Variants in LRFN5 observed in about 807,000 individuals in gnomAD.
The protein encoded by LRFN5 is leucine-rich repeat and fibronectin type-III domain-containing protein 5.
LRFN5 carries 24 observed loss-of-function variants against 45.6 expected under a neutral mutation model. The observed-to-expected ratio is 0.53, with a 90% confidence interval of 0.38 to 0.74. The LOEUF (loss-of-function observed/expected upper bound fraction) is 0.74, where lower values mean the gene tolerates loss of function less well. Among genes scored for constraint, LRFN5 ranks in the 30% least tolerant of loss-of-function variants. The probability of loss-of-function intolerance (pLI) is 0.00; values close to 1 mark genes in which losing one functional copy is unlikely to be tolerated. For synonymous variants in LRFN5, 340 were observed against 313.8 expected, an observed-to-expected ratio of 1.08 and a Z score of -0.88; for missense variants, 776 against 861.5, an observed-to-expected ratio of 0.90 and a Z score of 1.24.
At chr14:41,749,829 A>T (rs1449928975) in intron 1 of LRFN5, among the ~76,000 whole-genome samples, 1 of 152,184 alleles carries the variant, frequency 6.6e-6, no homozygotes, top group Non-Finnish European at 1.5e-5. Flanking sequence ...AAATAAGTTC[A>T]CTAATTAGAT....
intron 1 of LRFN5, among the ~76,000 whole-genome samples, chr14:41,668,569 C>G (rs1047642449): frequency 1.3e-5 from 2 of 152,114 alleles, no homozygotes; most frequent in African/African-American, 4.8e-5. Context: ...ACAACATCTG[C>G]TGTTAATTAC....
intron 1 of LRFN5, among the ~76,000 whole-genome samples, chr14:41,613,648 TAGAAA>T (rs959910547): frequency 2.6e-5 from 4 of 151,914 alleles, no homozygotes; most frequent in Non-Finnish European, 5.9e-5. Flanking sequence ...TAAAAGACTC[TAGAAA>T]AGAAGTAATA....
At chr14:41,877,681 T>C (rs953172282) in intron 2 of LRFN5, among the ~76,000 whole-genome samples, 1 of 151,990 alleles carries the variant, frequency 6.6e-6, no homozygotes, top group East Asian at 1.9e-4. Context: ...CAGGATACTA[T>C]ATTAAGAACT....
intron 1 of LRFN5, among the ~76,000 whole-genome samples, chr14:41,722,842 T>A (rs1242728450): frequency 1.3e-5 from 2 of 152,192 alleles, no homozygotes; most frequent in Non-Finnish European, 2.9e-5. Context: ...ATACACAATG[T>A]TCTGTGCTCC....
intron 3 of LRFN5, 97 bp from the exon 4 acceptor site, chr14:41,891,150 TTAA>T: frequency 4.5e-6 from 4 of 886,260 alleles, no homozygotes; most frequent in South Asian, 1.5e-5. Context: ...ATAAATGTAC[TTAA>T]TGATACTGAA....
chr14:41,677,526 A>C (rs755383974), intron 1 of LRFN5, among the ~76,000 whole-genome samples: 18 of 152,282 alleles, frequency 1.2e-4, no homozygotes, highest in Non-Finnish European at 2.5e-4. Context: ...ATGCCTCATA[A>C]AATACAGAAT....
intron 2 of LRFN5, among the ~76,000 whole-genome samples, chr14:41,833,763 G>C (rs1212394777): frequency 2.0e-5 from 3 of 152,078 alleles, no homozygotes; most frequent in South Asian, 2.1e-4. Context: ...TTTTTCATAT[G>C]ATAACCATCT....
intron 2 of LRFN5, among the ~76,000 whole-genome samples, chr14:41,797,932 T>A (rs1321097753): frequency 1.3e-5 from 2 of 152,104 alleles, no homozygotes; most frequent in South Asian, 4.1e-4. Flanking sequence ...TTTTATTTTT[T>A]AAATATCTCT....
At chr14:41,648,998 C>G (rs75700936) in intron 1 of LRFN5, among the ~76,000 whole-genome samples, 8,224 of 152,128 alleles carry the variant, frequency 0.054, 507 homozygotes, top group African/African-American at 0.16. Context: ...GCTGGGCGCG[C>G]TGGCTTGCGG....
At chr14:41,618,794 A>C (rs1888009662) in intron 1 of LRFN5, among the ~76,000 whole-genome samples, 1 of 152,190 alleles carries the variant, frequency 6.6e-6, no homozygotes, top group African/African-American at 2.4e-5. Flanking sequence ...AAATATTTTC[A>C]ACAAATATTT....
intron 2 of LRFN5, among the ~76,000 whole-genome samples, chr14:41,831,882 G>A (rs1387071060): frequency 1.3e-5 from 2 of 151,956 alleles, no homozygotes; most frequent in African/African-American, 4.8e-5. Context: ...CAAGATCAAG[G>A]TGCCCACAAG....
At chr14:41,886,080 G>GA (rs1890562820) in intron 2 of LRFN5, among the ~76,000 whole-genome samples, 1 of 145,666 alleles carries the variant, frequency 6.9e-6, no homozygotes, top group Non-Finnish European at 1.5e-5. Flanking sequence ...TTGTAAAGAA[G>GA]AAAAAAATTA....
At chr14:41,826,667 T>C (rs562153121) in intron 2 of LRFN5, among the ~76,000 whole-genome samples, 1 of 152,240 alleles carries the variant, frequency 6.6e-6, no homozygotes, top group South Asian at 2.1e-4. Flanking sequence ...TAAAGCAGTG[T>C]GGATTATTGA....
intron 2 of LRFN5, among the ~76,000 whole-genome samples, chr14:41,853,966 T>G (rs1889364081): frequency 6.6e-6 from 1 of 152,180 alleles, no homozygotes; most frequent in Non-Finnish European, 1.5e-5. Context: ...AAAACTCGTT[T>G]AATTGTCATG....
chr14:41,619,735 A>G (rs926631050), intron 1 of LRFN5, among the ~76,000 whole-genome samples: 1 of 152,008 alleles, frequency 6.6e-6, no homozygotes, highest in African/African-American at 2.4e-5. Flanking sequence ...ACATACATAT[A>G]CACATACACA....
chr14:41,754,860 G>T (rs1885303297), intron 1 of LRFN5, among the ~76,000 whole-genome samples: 2 of 152,058 alleles, frequency 1.3e-5, no homozygotes, highest in African/African-American at 2.4e-5. Context: ...TGATGTTAGG[G>T]TGTCGATTTT....
At chr14:41,717,928 T>G (rs1218042182) in intron 1 of LRFN5, among the ~76,000 whole-genome samples, 1 of 152,148 alleles carries the variant, frequency 6.6e-6, no homozygotes. Flanking sequence ...CCTACACCCA[T>G]GGGCTGGCTC....
chr14:41,779,603 G>T (rs1430086236), intron 2 of LRFN5, among the ~76,000 whole-genome samples: 2 of 151,764 alleles, frequency 1.3e-5, no homozygotes. Context: ...TCTGGATCTG[G>T]TGCATTTTCT....
At chr14:41,685,663 A>G (rs894739528) in intron 1 of LRFN5, among the ~76,000 whole-genome samples, 12 of 152,150 alleles carry the variant, frequency 7.9e-5, no homozygotes, top group Middle Eastern at 3.2e-3. Flanking sequence ...GAAGGGGTCC[A>G]GTTTCAGTTT....
Sources: gnomAD v4.1 joint callset for allele counts (sites outside exome capture counted in the v4.1 genomes callset) on GRCh38, gnomAD v4.1.1 for gene constraint, MANE v1.5 for transcripts, NCBI Gene and HGNC (gene_info 2026-07-23, HGNC 2026-07-21) for gene names.